The following RARB variants were observed in gnomAD, a reference collection of about 807,000 sequenced individuals.
RARB encodes HBV-activated protein.
RARB carries 17 observed loss-of-function variants against 51.9 expected under a neutral mutation model. The ratio of observed to expected loss-of-function variants is 0.33; its 90% CI spans 0.22 to 0.49. The LOEUF is 0.49. Among genes scored for constraint, RARB ranks in the 20% least tolerant of loss-of-function variants. The pLI is 0.99. For synonymous variants in RARB, 215 were observed against 195.4 expected, an observed-to-expected ratio of 1.10 and a Z score of -0.84; for missense variants, 369 against 550.8, an observed-to-expected ratio of 0.67 and a Z score of 3.30.
intron 5 of RARB, among the ~76,000 whole-genome samples, chr3:25,387,429 A>G (rs561645717): frequency 6.6e-6 from 1 of 152,356 alleles, no homozygotes; most frequent in Non-Finnish European, 1.5e-5. Context: ...GGCTGTATTC[A>G]GAGAACCGAA....
intron 1 of RARB, among the ~76,000 whole-genome samples, chr3:24,858,431 G>A (rs1053613923): frequency 1.3e-5 from 2 of 152,142 alleles, no homozygotes; most frequent in Non-Finnish European, 2.9e-5. Context: ...ACTGAACCAA[G>A]ATGGCTGTAC....
At chr3:24,861,648 G>A (rs374956420) in intron 2 of RARB, among the ~76,000 whole-genome samples, 167 of 150,840 alleles carry the variant, frequency 1.1e-3, no homozygotes, top group South Asian at 0.011. Flanking sequence ...AATGAGAAGC[G>A]TGGAAGATTT....
At chr3:25,553,704 A>G (rs1699936185) in intron 3 of RARB, among the ~76,000 whole-genome samples, 1 of 152,108 alleles carries the variant, frequency 6.6e-6, no homozygotes, top group Non-Finnish European at 1.5e-5. Flanking sequence ...ATGGATTGTC[A>G]CTGGGTCTTC....
intron 5 of RARB, among the ~76,000 whole-genome samples, chr3:25,236,573 G>A (rs1045570546): frequency 2.0e-5 from 3 of 152,066 alleles, no homozygotes; most frequent in African/African-American, 7.2e-5. Flanking sequence ...GGAAAGAGAA[G>A]AGGAAAGAAA....
chr3:25,411,413 TGGG>T (rs1707559248), intron 5 of RARB, among the ~76,000 whole-genome samples: 1 of 152,230 alleles, frequency 6.6e-6, no homozygotes, highest in Non-Finnish European at 1.5e-5. Context: ...AATCCCATCT[TGGG>T]AGATCCAGTG....
chr3:25,013,127 A>G (rs1009592365), intron 2 of RARB, among the ~76,000 whole-genome samples: 2 of 152,096 alleles, frequency 1.3e-5, no homozygotes, highest in Admixed American at 6.6e-5. Context: ...TTGAATCAAC[A>G]GAGACCTAGG....
At position 25,113,750 on chromosome 3, in the gene RARB, G is replaced by A. The variant is rs551763744; in HGVS notation, c.-327-18411G>A. ...GGGAAGGATCTTGAATTAAAAGATG[G>A]TAGGTAGAAAGCAGTTCCAGAAAGT... On this transcript the variant is annotated intron_variant, in intron 3 of 11. Transcript: ENST00000383772. Among the ~76,000 whole-genome samples, 4 of 152,224 alleles carry A rather than the reference G, an allele frequency of 2.6e-5. No homozygotes were observed. The South Asian group carries it at 6.2e-4, about 24-fold the overall frequency.
intron 2 of RARB, among the ~76,000 whole-genome samples, chr3:25,036,290 A>G (rs748487713): frequency 1.3e-5 from 2 of 152,138 alleles, no homozygotes; most frequent in Non-Finnish European, 2.9e-5. Context: ...CAGAGCTGTT[A>G]TGAAACTCTC....
intron 5 of RARB, among the ~76,000 whole-genome samples, chr3:25,176,738 G>T (rs1034731685): frequency 1.2e-4 from 19 of 152,124 alleles, no homozygotes; most frequent in Admixed American, 1.2e-3. Flanking sequence ...ATATTAAATG[G>T]AAAAATGGTT....
At chr3:25,422,535 G>A (rs1707888640) in intron 5 of RARB, among the ~76,000 whole-genome samples, 1 of 152,126 alleles carries the variant, frequency 6.6e-6, no homozygotes, top group Non-Finnish European at 1.5e-5. Flanking sequence ...GCACTTTAAA[G>A]CAGGGTTTAA....
intron 3 of RARB, among the ~76,000 whole-genome samples, chr3:25,525,397 C>A (rs1698604999): frequency 6.6e-6 from 1 of 151,998 alleles, no homozygotes. Context: ...CACCAAATCA[C>A]CCCTGCCTCC....
At chr3:24,998,555 T>A (rs1004190553) in intron 2 of RARB, among the ~76,000 whole-genome samples, 5 of 152,178 alleles carry the variant, frequency 3.3e-5, no homozygotes, top group African/African-American at 4.8e-5. Flanking sequence ...TTTGAAGGCC[T>A]AGGCTTTAAT....
At chr3:25,264,302 C>G (rs1703075542) in intron 5 of RARB, among the ~76,000 whole-genome samples, 1 of 152,040 alleles carries the variant, frequency 6.6e-6, no homozygotes, top group African/African-American at 2.4e-5. Context: ...CTTCAAGAAC[C>G]CTGGGGTGAA....
chr3:25,373,534 G>C (rs776459499), intron 5 of RARB, among the ~76,000 whole-genome samples: 20 of 152,154 alleles, frequency 1.3e-4, no homozygotes, highest in Non-Finnish European at 2.1e-4. Flanking sequence ...TTAGTGTTGA[G>C]AGATTCTAAA....
At chr3:25,045,791 G>A (rs1698203221) in intron 2 of RARB, among the ~76,000 whole-genome samples, 1 of 152,158 alleles carries the variant, frequency 6.6e-6, no homozygotes, top group East Asian at 1.9e-4. Flanking sequence ...AACTTCTTAA[G>A]GTTTAATATT....
chr3:24,864,928 G>A (rs1575042526), intron 2 of RARB, among the ~76,000 whole-genome samples: 2 of 152,146 alleles, frequency 1.3e-5, no homozygotes, highest in Non-Finnish European at 2.9e-5. Flanking sequence ...GGTAATGCTA[G>A]TCAAGGAACT....
chr3:25,566,123 T>G (rs1264709274), intron 3 of RARB, among the ~76,000 whole-genome samples: 5 of 152,198 alleles, frequency 3.3e-5, no homozygotes, highest in Non-Finnish European at 7.3e-5. Context: ...TCTTGTGCAC[T>G]GTGTCACCTC....
chr3:25,377,396 A>C (rs1023876143), intron 5 of RARB, among the ~76,000 whole-genome samples: 1 of 152,208 alleles, frequency 6.6e-6, no homozygotes, highest in African/African-American at 2.4e-5. Flanking sequence ...CAGGTCTAAT[A>C]AACAGTCCTA....
chr3:25,127,307 G>A (rs975645875), intron 3 of RARB, among the ~76,000 whole-genome samples: 17 of 151,980 alleles, frequency 1.1e-4, no homozygotes, highest in Non-Finnish European at 2.4e-4. Flanking sequence ...GCCTTGCCAC[G>A]GCCCACCAGC....
Sources: gnomAD v4.1 joint callset for allele counts (sites outside exome capture counted in the v4.1 genomes callset) on GRCh38, gnomAD v4.1.1 for gene constraint, MANE v1.5 for transcripts, NCBI Gene and HGNC (gene_info 2026-07-23, HGNC 2026-07-21) for gene names.